COL27A1: variants seen among roughly 807,000 people sequenced by gnomAD.
The protein encoded by COL27A1 is collagen type XXVII alpha 1 chain.
In COL27A1, 106 loss-of-function variants were observed where a neutral mutation model predicts 251.3. The ratio of observed to expected loss-of-function variants is 0.42; its 90% CI spans 0.36 to 0.50. The LOEUF (loss-of-function observed/expected upper bound fraction) is 0.50. COL27A1 is among the 20% of genes least tolerant of loss of function. COL27A1 has a pLI of 0.00. For synonymous variants in COL27A1, 1,000 were observed against 986.3 expected (o/e 1.01, Z -0.26); for missense variants, 2,325 against 2,522.8 (o/e 0.92, Z 1.68).
intron 41 of COL27A1, among the ~76,000 whole-genome samples, chr9:114,285,701 A>G (rs1387034184): frequency 6.6e-6 from 1 of 152,108 alleles, no homozygotes; most frequent in Non-Finnish European, 1.5e-5. Flanking sequence ...AGCCGATTCC[A>G]CAGGAAGCCA....
chr9:114,205,860 A>G, intron 9 of COL27A1, 48 bp downstream of exon 9: 1 of 1,554,526 alleles, frequency 6.4e-7, no homozygotes, highest in East Asian at 2.2e-5. Context: ...TGATGTGAAG[A>G]TGGCCACAGG....
intron 14 of COL27A1, among the ~76,000 whole-genome samples, chr9:114,224,563 G>T (rs1831336402): frequency 6.6e-6 from 1 of 151,982 alleles, no homozygotes; most frequent in East Asian, 1.9e-4. Context: ...CACTAGGTTG[G>T]GTCCTGAGAG....
intron 1 of COL27A1, among the ~76,000 whole-genome samples, chr9:114,156,614 T>A (rs1848138307): frequency 6.6e-6 from 1 of 151,690 alleles, no homozygotes; most frequent in African/African-American, 2.4e-5. Context: ...CCCTTTCACG[T>A]GTGTAAGAGA....
chr9:114,155,298 T>C (rs1434671197), upstream of COL27A1, among the ~76,000 whole-genome samples: 4 of 151,800 alleles, frequency 2.6e-5, no homozygotes, highest in Non-Finnish European at 1.5e-5. The surrounding 1 kb of genome is among the most constrained non-coding windows in gnomAD (Gnocchi z 5.5). Context: ...GGTGATCAAA[T>C]CACCGTGAAG....
At position 114,210,961 on chromosome 9, in the gene COL27A1, TC is replaced by T. The variant is rs1418443809; in HGVS notation, c.2323-17del. 1 of 1,613,962 alleles carries T rather than the reference TC, an allele frequency of 6.2e-7. No homozygotes were observed. Among genetic ancestry groups the T allele is most frequent in the Admixed American group, 1.7e-5 (1 of 60,026 alleles). On this transcript the variant is annotated intron_variant, in intron 11 of 60. Transcript: ENST00000356083. Reference sequence around the variant, plus strand: ...CCTGCTGGCATCCTGCCCTGACCTCTCCCCTGTCTCTCCCCTGCAGGGCCTG... The same window carrying T: ...CCTGCTGGCATCCTGCCCTGACCTCTCCCTGTCTCTCCCCTGCAGGGCCTG...
chr9:114,307,795 A>C lies in COL27A1; in HGVS notation c.5217+17A>C, dbSNP rs1829163561. Reference sequence around the variant, plus strand: ...GCCTCCAAGGTACCCATCAGCTCCCACACTGCCCACCAGGCTGTCTGCCTC... The same window carrying C: ...GCCTCCAAGGTACCCATCAGCTCCCCCACTGCCCACCAGGCTGTCTGCCTC... On this transcript the variant is annotated intron_variant, in intron 59 of 60. Transcript: ENST00000356083. 1 of 1,574,176 alleles carries C rather than the reference A, an allele frequency of 6.4e-7. No homozygotes were observed.
Position 114,310,940 on chromosome 9 carries a change from A to T in COL27A1, c.*245A>T. 2.3e-6 allele frequency: 1 copy of T among 427,594 alleles called. No homozygotes were observed. The highest frequency in any genetic ancestry group is 4.2e-6 in the Non-Finnish European group (1 of 237,330). 26.5% of individuals were successfully genotyped at this position (427,594 alleles called of 1,614,324 possible). A position where few individuals can be genotyped will look rare whatever the true frequency, so the allele number is the denominator to read the frequency against. ...CAAAGAGCCAGCCAGAGTAAGCTGG[A>T]CCTGCAACCTGCCTGAGCCCCGTGG... On this transcript the variant is annotated 3_prime_UTR_variant, in exon 61 of 61. Transcript: ENST00000356083.
intron 11 of COL27A1, among the ~76,000 whole-genome samples, chr9:114,210,404 G>C (rs561182437): frequency 2.0e-5 from 3 of 152,210 alleles, no homozygotes; most frequent in Non-Finnish European, 4.4e-5. Context: ...GTTGGTTGGG[G>C]GTGGGGACAG....
intron 58 of COL27A1, 145 bp from the exon 59 acceptor site, chr9:114,307,524 G>T: frequency 3.0e-6 from 2 of 656,930 alleles, no homozygotes; most frequent in South Asian, 3.5e-5. Flanking sequence ...ATCTCGGTTG[G>T]AGGAATCCCT....
chr9:114,165,900 A>G (rs1364700630), intron 2 of COL27A1, among the ~76,000 whole-genome samples: 2 of 150,590 alleles, frequency 1.3e-5, no homozygotes, highest in East Asian at 2.0e-4. Flanking sequence ...CTATCTATCC[A>G]TCAATTCATC....
intron 3 of COL27A1, among the ~76,000 whole-genome samples, chr9:114,175,556 G>A (rs960488142): frequency 1.3e-5 from 2 of 152,218 alleles, no homozygotes; most frequent in Non-Finnish European, 2.9e-5. Flanking sequence ...GGCCAGGCCC[G>A]AAGCTGGGGC....
At position 114,167,832 on chromosome 9, in the gene COL27A1, G is replaced by T; in HGVS notation, c.277G>T (p.Ala93Ser). The T allele has an allele frequency of 1.9e-6, 3 of 1,613,400 alleles. No individual in the cohort carries two copies. Among genetic ancestry groups the T allele is most frequent in the Non-Finnish European group, 2.5e-6 (3 of 1,179,986 alleles). ...QAPTGTVIPAALGTELALVLS... is the reference protein window; with the variant it reads ...QAPTGTVIPASLGTELALVLS... The stretch of plus-strand genomic sequence containing the variant: ...TCCCACGGGCACCGTCATTCCTGCC[G>T]CCTTGGGCACAGAGCTGGCACTGGT... The change falls in exon 3 of 61, where the codon GCC (alanine) becomes TCC (serine). Residue 93 changes from alanine to serine, a missense_variant. By Grantham distance (99) the Ala-to-Ser change is moderately conservative (BLOSUM62 1). This residue lies in a region of COL27A1 where 1,183 missense variants were observed against 1,144.1 expected (regional missense o/e 1.03). Coordinates refer to ENST00000356083, the MANE Select transcript of COL27A1 (RefSeq NM_032888.4).
intron 18 of COL27A1, 145 bp from the exon 19 acceptor site, chr9:114,237,517 T>C (rs1422269739): frequency 1.1e-5 from 8 of 699,342 alleles, no homozygotes; most frequent in African/African-American, 3.5e-5. Context: ...AGAGTTTGAA[T>C]GGTAGCTCCT....
intron 41 of COL27A1, among the ~76,000 whole-genome samples, chr9:114,287,421 G>A (rs1827576551): frequency 6.6e-6 from 1 of 152,150 alleles, no homozygotes; most frequent in Non-Finnish European, 1.5e-5. Flanking sequence ...GTAGTTGAAA[G>A]GTGGCGTCTA....
At position 114,210,394 on chromosome 9, in the gene COL27A1, G is replaced by A. The variant is rs568522946; in HGVS notation, c.2323-588G>A. Among the ~76,000 whole-genome samples, 5 of 152,310 alleles carry A rather than the reference G, an allele frequency of 3.3e-5. No homozygotes were observed. The East Asian group carries it at 7.7e-4, about 24-fold the overall frequency. On this transcript the variant is annotated intron_variant, in intron 11 of 60. Coordinates refer to ENST00000356083, the MANE Select transcript of COL27A1 (RefSeq NM_032888.4). ...CAGTTGGTTTACTTGAGTAAAATGT[G>A]TTGGTTGGGGGTGGGGACAGCAAGA...
At chr9:114,301,601 G>A in intron 54 of COL27A1, 81 bp from the exon 55 acceptor site, 1 of 1,528,610 alleles carries the variant, frequency 6.5e-7, no homozygotes, top group Non-Finnish European at 8.9e-7. Flanking sequence ...TGGGTCCCAG[G>A]TCTGCTTGAG....
intron 19 of COL27A1, 58 bp from the exon 20 acceptor site, chr9:114,240,162 C>A (rs1832657559): frequency 6.8e-7 from 1 of 1,460,088 alleles, no homozygotes; most frequent in Non-Finnish European, 9.6e-7. Context: ...CAAGACGCAT[C>A]CCCGTAGCAC....
At chr9:114,166,657 C>G (rs1474984084) in intron 2 of COL27A1, among the ~76,000 whole-genome samples, 1 of 152,194 alleles carries the variant, frequency 6.6e-6, no homozygotes, top group African/African-American at 2.4e-5. Context: ...GCTTTTCCTT[C>G]CCTGCTGAGT....
At chr9:114,249,034 T>C (rs1833346510) in intron 24 of COL27A1, among the ~76,000 whole-genome samples, 1 of 152,164 alleles carries the variant, frequency 6.6e-6, no homozygotes, top group Admixed American at 6.5e-5. Context: ...TCTCCCGTAT[T>C]CGGAACAGTG....
Sources: allele counts gnomAD v4.1 joint callset (sites outside exome capture counted in the v4.1 genomes callset), GRCh38; gene constraint gnomAD v4.1.1; regional missense constraint gnomAD v4.1.1; non-coding constraint Gnocchi (gnomAD v3.1); transcripts MANE v1.5; gene names NCBI Gene and HGNC (gene_info 2026-07-23, HGNC 2026-07-21).